NHS: variants seen among roughly 807,000 people sequenced by gnomAD.
NHS encodes the protein actin remodeling regulator NHS.
Under a neutral mutation model 72.5 loss-of-function variants are expected in NHS, and 5 were observed. The ratio of observed to expected loss-of-function variants is 0.07; its 90% CI spans 0.04 to 0.14. The LOEUF (loss-of-function observed/expected upper bound fraction) is 0.14. Ranked by LOEUF, NHS falls within the 10% of genes least tolerant of loss-of-function variation. The pLI is 1.00. For missense variants in NHS, 1,072 were observed against 1,355.7 expected (o/e 0.79, Z 3.29); for synonymous variants, 464 against 547.7 (o/e 0.85, Z 2.13).
chrX:17,506,053 C>T (rs1402529664), intron 1 of NHS, among the ~76,000 whole-genome samples: 1 of 112,012 alleles, frequency 8.9e-6, no homozygotes, highest in Non-Finnish European at 1.9e-5. Context: ...TCGGCCAAAT[C>T]CTCACTTTGT....
chrX:17,688,556 G>T (rs1195197573), intron 2 of NHS, among the ~76,000 whole-genome samples: 1 of 111,574 alleles, frequency 9.0e-6, no homozygotes, highest in African/African-American at 3.3e-5. Flanking sequence ...TTGAGAACCA[G>T]TGATCGGTCT....
chrX:17,383,513 G>A (rs1197032922), intron 1 of NHS, among the ~76,000 whole-genome samples: 1 of 112,083 alleles, frequency 8.9e-6, no homozygotes, highest in African/African-American at 3.2e-5. Context: ...TGGCCAGGAA[G>A]GCCTAAGGAA....
chrX:17,614,142 A>G (rs1411736027), intron 1 of NHS, among the ~76,000 whole-genome samples: 1 of 112,223 alleles, frequency 8.9e-6, no homozygotes, highest in Non-Finnish European at 1.9e-5. Flanking sequence ...TGTTGTGAAT[A>G]CAGGGAGAGA....
chrX:17,467,183 A>T (rs1393557937), intron 1 of NHS, among the ~76,000 whole-genome samples: 1 of 111,499 alleles, frequency 9.0e-6, no homozygotes, highest in African/African-American at 3.3e-5. Context: ...CTTCTACATT[A>T]CCTTAATGTT....
At chrX:17,674,179 G>A (rs770642011) in intron 1 of NHS, among the ~76,000 whole-genome samples, 33 of 111,485 alleles carry the variant, frequency 3.0e-4, no homozygotes, top group Admixed American at 7.6e-4. Flanking sequence ...ATGATCCTCC[G>A]CACCATGCCA....
At chrX:17,628,396 G>A (rs1420610160) in intron 1 of NHS, among the ~76,000 whole-genome samples, 1 of 112,216 alleles carries the variant, frequency 8.9e-6, no homozygotes, top group Non-Finnish European at 1.9e-5. Flanking sequence ...ATTTGATATG[G>A]GAACTCTTTA....
At chrX:17,550,176 C>T (rs988760048) in intron 1 of NHS, among the ~76,000 whole-genome samples, 2 of 112,079 alleles carry the variant, frequency 1.8e-5, no homozygotes, top group African/African-American at 6.5e-5. Flanking sequence ...GCTGGCTTTG[C>T]GAGGCAGAAA....
intron 1 of NHS, among the ~76,000 whole-genome samples, chrX:17,480,722 A>C (rs1460517486): frequency 8.9e-6 from 1 of 112,152 alleles, no homozygotes; most frequent in Non-Finnish European, 1.9e-5. Flanking sequence ...TAGCCTGTGC[A>C]TCTCTAGATA....
intron 1 of NHS, among the ~76,000 whole-genome samples, chrX:17,538,711 C>T (rs1407499732): frequency 8.9e-6 from 1 of 112,151 alleles, no homozygotes; most frequent in Non-Finnish European, 1.9e-5. Context: ...ATGCTCTCAT[C>T]AATTTCCTTA....
intron 1 of NHS, among the ~76,000 whole-genome samples, chrX:17,628,242 A>G (rs1361858063): frequency 8.9e-6 from 1 of 112,546 alleles, no homozygotes; most frequent in Non-Finnish European, 1.9e-5. Context: ...AAGGTTCCCA[A>G]TTGAGAGGCA....
chrX:17,651,613 T>G (rs1280481463), intron 1 of NHS, among the ~76,000 whole-genome samples: 1 of 111,380 alleles, frequency 9.0e-6, no homozygotes, highest in Non-Finnish European at 1.9e-5. Context: ...CAAGAAAGTG[T>G]GTGTAGGAAT....
At chrX:17,633,538 C>T (rs2065830196) in intron 1 of NHS, among the ~76,000 whole-genome samples, 1 of 112,197 alleles carries the variant, frequency 8.9e-6, no homozygotes. Context: ...CATCTCAGCC[C>T]AGCTTTCCCC....
intron 1 of NHS, among the ~76,000 whole-genome samples, chrX:17,657,408 G>T (rs2065961954): frequency 0.019 from 1 of 53 alleles, no homozygotes; most frequent in Non-Finnish European, 0.031. Context: ...GCAAGGCAAA[G>T]ATAACGAGCA....
At chrX:17,476,391 C>A (rs1187225473) in intron 1 of NHS, among the ~76,000 whole-genome samples, 2 of 111,344 alleles carry the variant, frequency 1.8e-5, no homozygotes, top group African/African-American at 3.3e-5. Context: ...TCCATCTTTG[C>A]CCCATTCATT....
Position 17,726,729 on chromosome X carries a change from A to G in NHS, c.2623A>G (p.Ile875Val), listed in dbSNP as rs1311789708. The G allele has an allele frequency of 3.3e-6, 4 of 1,212,090 alleles. No individual in the cohort carries two copies. The highest frequency in any genetic ancestry group is 4.5e-6 in the Non-Finnish European group (4 of 895,597). The change falls in exon 7 of 9, where the codon ATA (isoleucine) becomes GTA (valine). Residue 875 changes from isoleucine to valine, a missense_variant. Coordinates refer to ENST00000676302, the MANE Select transcript of NHS (RefSeq NM_001291867.2). Reference sequence around the variant, plus strand: ...TATTTCTGAGAAGAAAGAACCAAAGATAAGCAGTGGTCAGCACCTGCCTCA... The same window carrying G: ...TATTTCTGAGAAGAAAGAACCAAAGGTAAGCAGTGGTCAGCACCTGCCTCA... ...ADISEKKEPK[I>V]SSGQHLPHSS...
intron 1 of NHS, among the ~76,000 whole-genome samples, chrX:17,591,075 C>A (rs751667139): frequency 3.6e-5 from 4 of 112,276 alleles, no homozygotes; most frequent in Middle Eastern, 4.6e-3. Context: ...GCCAGGACTT[C>A]TTTTACCCCA....
chrX:17,605,483 T>G (rs1474513217), intron 1 of NHS, among the ~76,000 whole-genome samples: 1 of 111,470 alleles, frequency 9.0e-6, no homozygotes, highest in Non-Finnish European at 1.9e-5. Flanking sequence ...TTTTCTTCTC[T>G]TTCTTTGGGG....
rs2065936650 is a variant in NHS, at chrX:17,652,829, A to C, written c.566-34913A>C. Reference sequence around the variant, plus strand: ...CATTTCACATTGTACACATGTATTGAAATATCATACTGTATGCCGAAAATA... The same window carrying C: ...CATTTCACATTGTACACATGTATTGCAATATCATACTGTATGCCGAAAATA... On this transcript the variant is annotated intron_variant, in intron 1 of 8. Transcript: ENST00000676302. Among the ~76,000 whole-genome samples the C allele has an allele frequency of 2.7e-5, 3 of 112,097 alleles. No homozygotes were observed. In the South Asian group the frequency reaches 1.1e-3, roughly 42 times the overall value.
intron 1 of NHS, among the ~76,000 whole-genome samples, chrX:17,674,558 T>C (rs1208292648): frequency 8.9e-6 from 1 of 112,373 alleles, no homozygotes; most frequent in Non-Finnish European, 1.9e-5. Context: ...GTGTGTGGTC[T>C]ACTCACCAAC....
Sources: gnomAD v4.1 joint callset for allele counts (sites outside exome capture counted in the v4.1 genomes callset) on GRCh38, gnomAD v4.1.1 for gene constraint, MANE v1.5 for transcripts, NCBI Gene and HGNC (gene_info 2026-07-23, HGNC 2026-07-21) for gene names.